The following KCTD8 variants were observed in gnomAD, a reference collection of about 807,000 sequenced individuals.
KCTD8 encodes the protein BTB/POZ domain-containing protein KCTD8.
KCTD8 carries 27 observed loss-of-function variants against 31.5 expected under a neutral mutation model. That is an observed-to-expected ratio of 0.86 (90% CI 0.63 to 1.18). The LOEUF is 1.18. Ranked by LOEUF, KCTD8 falls within the 50% of genes most tolerant of loss-of-function variation. The probability of loss-of-function intolerance (pLI) is 0.00; values close to 1 mark genes in which losing one functional copy is unlikely to be tolerated. For missense variants in KCTD8, 658 were observed against 647.7 expected, an observed-to-expected ratio of 1.02 and a Z score of -0.17; for synonymous variants, 290 against 280.0, an observed-to-expected ratio of 1.04 and a Z score of -0.36.
intron 1 of KCTD8, among the ~76,000 whole-genome samples, chr4:44,323,905 T>C (rs1245339241): frequency 2.0e-5 from 3 of 151,696 alleles, no homozygotes; most frequent in African/African-American, 7.3e-5. Flanking sequence ...TTATAGACTG[T>C]TCTAGGAGGG....
At position 44,448,404 on chromosome 4, in the gene KCTD8, C is replaced by T; in HGVS notation, c.120G>A (p.Ser40=). 1.3e-6 allele frequency: 2 copies of T among 1,574,434 alleles called. No individual in the cohort carries two copies. The highest frequency in any genetic ancestry group is 1.2e-5 in the South Asian group (1 of 85,024). The part of the protein sequence containing the change: ...AAAAPGPCAP[S]PFPEVVELNV... ...TCAGCTCCACTACTTCAGGGAAGGGCGAGGGTGCGCAGGGCCCCGGGGCGG... is the reference window on the plus strand; with the variant it reads ...TCAGCTCCACTACTTCAGGGAAGGGTGAGGGTGCGCAGGGCCCCGGGGCGG... The change falls in exon 1 of 2, where the codon TCG becomes TCA. Residue 40 remains serine (S), a synonymous_variant. Transcript: ENST00000360029. This position sits in a 1 kb window ranked among gnomAD's most constrained non-coding sequence, Gnocchi z 4.1.
At chr4:44,225,815 C>CTTT (rs35751540) in intron 1 of KCTD8, among the ~76,000 whole-genome samples, 124 of 74,414 alleles carry the variant, frequency 1.7e-3, no homozygotes, top group African/African-American at 3.9e-3. Flanking sequence ...GGTTTTGTCT[C>CTTT]TTTTTTTTTT....
At chr4:44,397,884 AT>A (rs1235798485) in intron 1 of KCTD8, among the ~76,000 whole-genome samples, 2 of 152,072 alleles carry the variant, frequency 1.3e-5, no homozygotes, top group African/African-American at 4.8e-5. Context: ...TAAAAAATTG[AT>A]TTTTTTGTGG....
intron 1 of KCTD8, among the ~76,000 whole-genome samples, chr4:44,343,422 G>A (rs1242973904): frequency 1.3e-5 from 2 of 152,056 alleles, no homozygotes; most frequent in Non-Finnish European, 2.9e-5. Context: ...ATAAAATAGT[G>A]ACATCAAAGA....
At chr4:44,386,571 T>G (rs1379193476) in intron 1 of KCTD8, among the ~76,000 whole-genome samples, 1 of 150,750 alleles carries the variant, frequency 6.6e-6, no homozygotes, top group Non-Finnish European at 1.5e-5. Context: ...CCCGTTAAAA[T>G]GGCATATCCA....
At chr4:44,351,973 T>C (rs1719215731) in intron 1 of KCTD8, among the ~76,000 whole-genome samples, 1 of 152,080 alleles carries the variant, frequency 6.6e-6, no homozygotes, top group African/African-American at 2.4e-5. Context: ...TATTTATTTA[T>C]TTATTTTATT....
chr4:44,228,871 G>C (rs2109351567), intron 1 of KCTD8, among the ~76,000 whole-genome samples: 1 of 152,292 alleles, frequency 6.6e-6, no homozygotes, highest in East Asian at 1.9e-4. Flanking sequence ...TTTATATAAA[G>C]TAGGAAAGTA....
intron 1 of KCTD8, among the ~76,000 whole-genome samples, chr4:44,403,632 C>T (rs558000751): frequency 2.6e-5 from 4 of 152,074 alleles, no homozygotes; most frequent in African/African-American, 7.2e-5. Context: ...TTTTGTATTT[C>T]CTAATTTCCT....
rs1396633882 is a variant in KCTD8, at chr4:44,324,067, AC to A, written c.961+123495del. ...ATTAAAAAAAAAAAAACAAAACAAA[AC>A]AAAACAAAAAAAAAAGGAAACCAAA... On this transcript the variant is annotated intron_variant, in intron 1 of 1. Transcript: ENST00000360029. Among the ~76,000 whole-genome samples, 119 of 151,162 alleles carry A rather than the reference AC, an allele frequency of 7.9e-4. 1 individual carries two copies. The highest frequency in any genetic ancestry group is 2.2e-3 in the Admixed American group (33 of 15,210).
chr4:44,366,603 C>A (rs1156597252), intron 1 of KCTD8, among the ~76,000 whole-genome samples: 1 of 152,092 alleles, frequency 6.6e-6, no homozygotes, highest in African/African-American at 2.4e-5. Context: ...TTCTTTATAG[C>A]AGCGTGAGAA....
intron 1 of KCTD8, among the ~76,000 whole-genome samples, chr4:44,262,919 TA>T (rs1172940906): frequency 1.3e-5 from 2 of 152,106 alleles, no homozygotes; most frequent in Non-Finnish European, 1.5e-5. Flanking sequence ...GATGTTATTG[TA>T]ATTGGTATGA....
At chr4:44,263,278 T>A (rs960482367) in intron 1 of KCTD8, among the ~76,000 whole-genome samples, 18 of 152,286 alleles carry the variant, frequency 1.2e-4, no homozygotes, top group African/African-American at 4.3e-4. Flanking sequence ...CTAATCTGTT[T>A]TGTTTTTCAA....
chr4:44,277,271 TA>T (rs1184157465), intron 1 of KCTD8, among the ~76,000 whole-genome samples: 1 of 151,812 alleles, frequency 6.6e-6, no homozygotes, highest in Admixed American at 6.6e-5. Context: ...AAAATACCTT[TA>T]TATGAATATC....
chr4:44,175,363 C>T (rs911522126), intron 1 of KCTD8, 113 bp from the exon 2 acceptor site: 27 of 651,248 alleles, frequency 4.1e-5, no homozygotes, highest in Middle Eastern at 4.2e-4. Flanking sequence ...TTTATTTTAA[C>T]AAAAATGGTG....
chr4:44,272,949 A>G (rs1307792348), intron 1 of KCTD8, among the ~76,000 whole-genome samples: 2 of 152,066 alleles, frequency 1.3e-5, no homozygotes, highest in Non-Finnish European at 2.9e-5. Flanking sequence ...GGGTATAAAT[A>G]GTTCTTATGG....
chr4:44,194,789 C>G (rs1193994935), intron 1 of KCTD8, among the ~76,000 whole-genome samples: 2 of 62,108 alleles, frequency 3.2e-5, no homozygotes, highest in Admixed American at 3.0e-4. Context: ...CCTTCCCTCC[C>G]TCCCTCCCTC....
At position 44,448,022 on chromosome 4, in the gene KCTD8, T is replaced by A. The variant is rs755122277; in HGVS notation, c.502A>T (p.Asn168Tyr). 3 of 1,603,510 alleles carry A rather than the reference T, an allele frequency of 1.9e-6. No homozygotes were observed. The highest frequency in any genetic ancestry group is 1.3e-5 in the African/African-American group (1 of 74,720). The change falls in exon 1 of 2, where the codon AAC (asparagine) becomes TAC (tyrosine). Residue 168 changes from asparagine to tyrosine, a missense_variant. By Grantham distance (143) the Asn-to-Tyr change is moderately radical. Coordinates refer to ENST00000360029, the MANE Select transcript of KCTD8 (RefSeq NM_198353.3). This position sits in a 1 kb window ranked among gnomAD's most constrained non-coding sequence, Gnocchi z 4.1. ...DEGCQSDLED[N>Y]VSQGSSDALL... ...GCGTCGCTGCTACCCTGCGAGACGT[T>A]GTCCTCCAGGTCGCTCTGGCAGCCC...
intron 1 of KCTD8, among the ~76,000 whole-genome samples, chr4:44,338,683 G>T (rs1459178478): frequency 6.6e-6 from 1 of 151,952 alleles, no homozygotes; most frequent in Non-Finnish European, 1.5e-5. Flanking sequence ...AAATATTATG[G>T]AGAAGTTTTC....
chr4:44,323,578 C>T (rs567386129), intron 1 of KCTD8, among the ~76,000 whole-genome samples: 16 of 146,202 alleles, frequency 1.1e-4, no homozygotes, highest in African/African-American at 3.8e-4. Flanking sequence ...GACAAGTCTA[C>T]AACTCACCAC....
Sources: gnomAD v4.1 joint callset for allele counts (sites outside exome capture counted in the v4.1 genomes callset) on GRCh38, gnomAD v4.1.1 for gene constraint, Gnocchi (gnomAD v3.1) non-coding constraint, MANE v1.5 for transcripts, NCBI Gene and HGNC (gene_info 2026-07-23, HGNC 2026-07-21) for gene names.